SPATA7: variants seen among roughly 807,000 people sequenced by gnomAD.
The protein encoded by SPATA7 is spermatogenesis associated 7.
Under a neutral mutation model 51.8 loss-of-function variants are expected in SPATA7, and 43 were observed. The observed-to-expected ratio is 0.83, with a 90% confidence interval of 0.65 to 1.07. SPATA7 has a LOEUF of 1.07. SPATA7 is among the 50% of genes least tolerant of loss of function. The pLI, the probability that SPATA7 is intolerant of heterozygous loss-of-function variation, is 0.00. For missense variants in SPATA7, 683 were observed against 701.3 expected (o/e 0.97, Z 0.30); for synonymous variants, 230 against 252.8 (o/e 0.91, Z 0.86).
intron 4 of SPATA7, among the ~76,000 whole-genome samples, chr14:88,402,983 A>C (rs1450366388): frequency 1.4e-5 from 2 of 144,076 alleles, no homozygotes; most frequent in Non-Finnish European, 3.0e-5. Context: ...AAAAAAAAAA[A>C]CCCAAAACCT....
downstream of SPATA7, among the ~76,000 whole-genome samples, chr14:88,442,808 T>C (rs963578129): frequency 2.2e-4 from 33 of 152,196 alleles, no homozygotes; most frequent in African/African-American, 8.0e-4. Context: ...CTTCATAGAA[T>C]GATTTAGGGA....
Position 88,447,384 on chromosome 14 carries a change from A to C in SPATA7, c.178-7676A>C, listed in dbSNP as rs1484644646. On this transcript the variant is annotated intron_variant, in intron 3 of 3. Coordinates refer to the SPATA7 transcript ENST00000554802. ...ATTTTGAGCCTATGTGTGTCTCTGC[A>C]CGTGAGATGGGTTTCCTGAATACAG... Among the ~76,000 whole-genome samples the C allele has an allele frequency of 2.0e-3, 303 of 150,816 alleles. 2 individuals are homozygous for C. Among genetic ancestry groups the C allele is most frequent in the Non-Finnish European group, 3.1e-3 (211 of 67,710 alleles).
chr14:88,398,801 C>G (rs560684140), intron 4 of SPATA7, among the ~76,000 whole-genome samples: 148 of 151,916 alleles, frequency 9.7e-4, no homozygotes, highest in Non-Finnish European at 1.3e-3. Context: ...GCCTGTAATC[C>G]CAGCACTTTG....
chr14:88,446,832 C>T (rs1390527973), intron 3 of SPATA7, among the ~76,000 whole-genome samples: 1 of 151,774 alleles, frequency 6.6e-6, no homozygotes, highest in African/African-American at 2.4e-5. Context: ...AGTTTGATTG[C>T]ACTGTGGTCT....
chr14:88,421,123 ATAAT>A (rs908267316), intron 5 of SPATA7, among the ~76,000 whole-genome samples: 2 of 152,130 alleles, frequency 1.3e-5, no homozygotes, highest in South Asian at 2.1e-4. Context: ...AAAAAAAAAA[ATAAT>A]TAATTAATAA....
chr14:88,447,140 A>G (rs1269410696), intron 3 of SPATA7, among the ~76,000 whole-genome samples: 1 of 149,952 alleles, frequency 6.7e-6, no homozygotes, highest in East Asian at 1.9e-4. Flanking sequence ...TAGGTCACTC[A>G]GGACTTGCTT....
chr14:88,435,554 C>T (rs1412899148), intron 10 of SPATA7, among the ~76,000 whole-genome samples: 1 of 152,118 alleles, frequency 6.6e-6, no homozygotes, highest in Non-Finnish European at 1.5e-5. Flanking sequence ...TACCCATTAA[C>T]TACCCCACTT....
At chr14:88,445,450 C>T (rs2077205222) in intron 3 of SPATA7, among the ~76,000 whole-genome samples, 1 of 152,148 alleles carries the variant, frequency 6.6e-6, no homozygotes, top group Admixed American at 6.5e-5. Context: ...GTTTGACTTC[C>T]TCTTTTCCTA....
rs181510318 is a variant in SPATA7 at position 88,429,769 on chromosome 14, G to A, written c.1028+306G>A. ...CCAAGACAAGTCCTCTGGCAGTGAT[G>A]CTAACCAGTTTACATGCCACAAATA... On this transcript the variant is annotated intron_variant, in intron 8 of 11. Coordinates refer to ENST00000393545, the MANE Select transcript of SPATA7 (RefSeq NM_018418.5). Among the ~76,000 whole-genome samples the A allele has an allele frequency of 6.6e-3, 1,010 of 152,176 alleles. 10 individuals carry two copies. Among genetic ancestry groups the A allele is most frequent in the African/African-American group, 0.023 (975 of 41,532 alleles).
At chr14:88,461,697 G>A (rs2077318679) in intron 4 of SPATA7, among the ~76,000 whole-genome samples, 1 of 152,010 alleles carries the variant, frequency 6.6e-6, no homozygotes, top group Non-Finnish European at 1.5e-5. Context: ...CTTACGCTCG[G>A]TGGGCTGCAC....
At chr14:88,455,776 T>C (rs923697535), downstream of SPATA7, among the ~76,000 whole-genome samples, 4 of 152,304 alleles carry the variant, frequency 2.6e-5, no homozygotes, top group Non-Finnish European at 5.9e-5. Context: ...GTGCACAATG[T>C]GCAGGTTTGT....
chr14:88,397,849 C>T (rs377409743), intron 4 of SPATA7, among the ~76,000 whole-genome samples: 15 of 151,960 alleles, frequency 9.9e-5, no homozygotes, highest in African/African-American at 3.6e-4. Flanking sequence ...TATGGGAGGC[C>T]GAGGCAGGCG....
At chr14:88,455,752 G>A (rs1460381484), downstream of SPATA7, among the ~76,000 whole-genome samples, 1 of 151,656 alleles carries the variant, frequency 6.6e-6, no homozygotes, top group Non-Finnish European at 1.5e-5. Context: ...TATACTTTAA[G>A]TTTTAGGGTA....
chr14:88,396,114 A>G, intron 3 of SPATA7, 42 bp from the exon 4 acceptor site: 1 of 1,509,578 alleles, frequency 6.6e-7, no homozygotes, highest in Middle Eastern at 1.8e-4. Context: ...TGTCATTTAT[A>G]AATACTGACA....
chr14:88,427,680 A>T lies in SPATA7; in HGVS notation c.896A>T (p.Glu299Val). ...TAETKNMTDSEMNIKQASNCV... is the reference protein window; with the variant it reads ...TAETKNMTDSVMNIKQASNCV... Reference sequence around the variant, plus strand: ...GAGACTAAAAACATGACAGATTCAGAAATGAACATAAAGCAGGTAATAAGT... The same window carrying T: ...GAGACTAAAAACATGACAGATTCAGTAATGAACATAAAGCAGGTAATAAGT... The change falls in exon 7 of 12, where the codon GAA (glutamate) becomes GTA (valine). Residue 299 changes from glutamate (E) to valine (V), a missense_variant. Physicochemically the swap from Glu to Val is moderately radical, Grantham distance 121. Coordinates refer to ENST00000393545, the MANE Select transcript of SPATA7 (RefSeq NM_018418.5). 6.2e-7 allele frequency: 1 copy of T among 1,609,020 alleles called. No homozygotes were observed. The highest frequency in any genetic ancestry group is 2.2e-5 in the East Asian group (1 of 44,730).
chr14:88,429,040 G>A (rs957798656), intron 7 of SPATA7: 17 of 220,334 alleles, frequency 7.7e-5, no homozygotes, highest in African/African-American at 3.7e-4. Context: ...ATGAGATTTT[G>A]TTCCCTCAAA....
downstream of SPATA7, among the ~76,000 whole-genome samples, chr14:88,456,816 A>T (rs1027058945): frequency 2.0e-5 from 3 of 152,080 alleles, no homozygotes; most frequent in African/African-American, 4.8e-5. Context: ...ATGTCCTGAA[A>T]GGTATTGCCT....
downstream of SPATA7, among the ~76,000 whole-genome samples, chr14:88,456,125 T>C (rs183799637): frequency 2.4e-3 from 368 of 152,282 alleles, 1 homozygote; most frequent in Non-Finnish European, 4.4e-3. Flanking sequence ...TAGTCTATCA[T>C]TGATGGACAT....
chr14:88,385,941 G>A, intron 1 of SPATA7, 104 bp downstream of exon 1: 2 of 1,540,122 alleles, frequency 1.3e-6, no homozygotes, highest in East Asian at 2.4e-5. Context: ...CCCTTGGGGC[G>A]CTTCCTACCC....
Sources: gnomAD v4.1 joint callset for allele counts (sites outside exome capture counted in the v4.1 genomes callset) on GRCh38, gnomAD v4.1.1 for gene constraint, MANE v1.5 for transcripts, NCBI Gene and HGNC (gene_info 2026-07-23, HGNC 2026-07-21) for gene names.